The following IGSF11 variants were observed in gnomAD, a reference collection of about 807,000 sequenced individuals.
IGSF11 encodes the protein immunoglobulin superfamily member 11, also known as CXADR like 1.
Under a neutral mutation model 41.0 loss-of-function variants are expected in IGSF11, and 22 were observed. The ratio of observed to expected loss-of-function variants is 0.54; its 90% CI spans 0.38 to 0.77. The LOEUF (loss-of-function observed/expected upper bound fraction) is 0.77. Among genes scored for constraint, IGSF11 ranks in the 30% least tolerant of loss-of-function variants. The pLI, the probability that IGSF11 is intolerant of heterozygous loss-of-function variation, is 0.00. For synonymous variants in IGSF11, 219 were observed against 201.3 expected (o/e 1.09, Z -0.74); for missense variants, 444 against 530.8 (o/e 0.84, Z 1.61).
At position 119,034,814 on chromosome 3, in the gene IGSF11, G is replaced by T; in HGVS notation, c.-232C>A. The T allele has an allele frequency of 8.0e-7, 1 of 1,255,874 alleles. No homozygotes were observed. The highest frequency in any genetic ancestry group is 3.0e-5 in the South Asian group (1 of 33,468). The allele number at this position is 1,255,874 out of a possible 1,614,324, so 77.8% of individuals were successfully genotyped here. On this transcript the variant is annotated 5_prime_UTR_variant, in exon 1 of 7. Transcript: ENST00000393775. ...CTGTGACCAGAGGCGTTCCGGGCTC[G>T]CCAGCCGTGCCACCCAGCCCTGCCC...
intron 1 of IGSF11, among the ~76,000 whole-genome samples, chr3:119,125,292 G>C (rs2077388867): frequency 6.6e-6 from 1 of 152,194 alleles, no homozygotes; most frequent in African/African-American, 2.4e-5. Flanking sequence ...GTTCGTATAA[G>C]AGACGAACTG....
At chr3:118,915,322 C>T (rs1940957928) in intron 4 of IGSF11, among the ~76,000 whole-genome samples, 2 of 116,794 alleles carry the variant, frequency 1.7e-5, no homozygotes, top group Non-Finnish European at 3.3e-5. Context: ...TACGGGAGGA[C>T]ATTCAAACCA....
At chr3:119,107,105 T>C (rs925633321), upstream of IGSF11, among the ~76,000 whole-genome samples, 2 of 152,224 alleles carry the variant, frequency 1.3e-5, no homozygotes, top group African/African-American at 4.8e-5. Flanking sequence ...ATATACTCAG[T>C]AATGGGATGG....
At chr3:119,108,069 G>A (rs1246070485), upstream of IGSF11, among the ~76,000 whole-genome samples, 18 of 151,258 alleles carry the variant, frequency 1.2e-4, no homozygotes, top group Admixed American at 3.3e-4. Flanking sequence ...TTGGCAATGC[G>A]GGCTCTTTTT....
rs537151326 is a variant in IGSF11, at chr3:119,004,814, T to C, written c.52+29717A>G. Among the ~76,000 whole-genome samples, 17 of 152,078 alleles carry C rather than the reference T, an allele frequency of 1.1e-4. No homozygotes were observed. In the East Asian group the frequency reaches 3.3e-3, roughly 29 times the overall value. On this transcript the variant is annotated intron_variant, in intron 1 of 6. Transcript: ENST00000393775. The stretch of plus-strand genomic sequence containing the variant: ...ATCCTGAGTTCTAGTTTGATTGCAC[T>C]GTGGTCTGAGAGATAGTTTGTTATA...
chr3:119,005,190 T>C lies in IGSF11; in HGVS notation c.52+29341A>G, dbSNP rs1297699036. Among the ~76,000 whole-genome samples the C allele has an allele frequency of 3.4e-5, 5 of 146,086 alleles. No individual in the cohort carries two copies. The East Asian group carries it at 7.9e-4, about 23-fold the overall frequency. ...TGTTTAGGATAGTTAGCTCCTCTTG[T>C]TGAATTGATCCCTTTACCATTATGT... On this transcript the variant is annotated intron_variant, in intron 1 of 6. Transcript: ENST00000393775.
At chr3:118,934,315 C>G (rs905143902) in intron 1 of IGSF11, among the ~76,000 whole-genome samples, 4 of 152,258 alleles carry the variant, frequency 2.6e-5, no homozygotes, top group Admixed American at 6.5e-5. Context: ...TGACCCTTCC[C>G]TCTTCCTTAA....
At chr3:119,108,209 C>T (rs950098461), upstream of IGSF11, among the ~76,000 whole-genome samples, 1 of 151,662 alleles carries the variant, frequency 6.6e-6, no homozygotes, top group Middle Eastern at 3.4e-3. Context: ...ATTGATTCTT[C>T]CTACCCATGA....
chr3:119,096,875 ACTT>A (rs1339943950), intron 1 of IGSF11, among the ~76,000 whole-genome samples: 7 of 152,194 alleles, frequency 4.6e-5, no homozygotes, highest in African/African-American at 1.7e-4. Context: ...ACTGAGCTCT[ACTT>A]CTTGTAATGC....
At chr3:119,131,404 C>T (rs4643702) in intron 1 of IGSF11, among the ~76,000 whole-genome samples, 69,977 of 151,798 alleles carry the variant, frequency 0.46, 16,190 homozygotes, top group African/African-American at 0.48. Flanking sequence ...CTTCATGATG[C>T]GTACACAAGC....
intron 6 of IGSF11, 82 bp from the exon 7 acceptor site, chr3:118,903,043 G>C: frequency 1.5e-6 from 2 of 1,351,052 alleles, no homozygotes; most frequent in Non-Finnish European, 1.0e-6. Flanking sequence ...TTCTTTTCAT[G>C]TCAGGGCTTA....
At chr3:119,093,304 C>T (rs989992984) in intron 1 of IGSF11, among the ~76,000 whole-genome samples, 2 of 152,154 alleles carry the variant, frequency 1.3e-5, no homozygotes, top group African/African-American at 2.4e-5. Context: ...TACACTGCAT[C>T]AGCTTCATAT....
chr3:119,106,427 C>T (rs972555060), upstream of IGSF11, among the ~76,000 whole-genome samples: 2 of 152,120 alleles, frequency 1.3e-5, no homozygotes, highest in Non-Finnish European at 2.9e-5. Context: ...CAATTGTTTT[C>T]GTTTCTAGCT....
chr3:119,134,177 C>CCACTCTCAT (rs1470014498), intron 1 of IGSF11, among the ~76,000 whole-genome samples: 1 of 152,138 alleles, frequency 6.6e-6, no homozygotes, highest in Non-Finnish European at 1.5e-5. Flanking sequence ...CCCTCTCTCA[C>CCACTCTCAT]CACTCCTTTT....
At chr3:118,940,676 T>C (rs1046823118) in intron 1 of IGSF11, among the ~76,000 whole-genome samples, 4 of 152,032 alleles carry the variant, frequency 2.6e-5, no homozygotes, top group African/African-American at 9.7e-5. Flanking sequence ...AAATTGCTCC[T>C]GAAATGTATG....
intron 1 of IGSF11, among the ~76,000 whole-genome samples, chr3:119,103,840 T>C (rs905542089): frequency 6.6e-6 from 1 of 152,180 alleles, no homozygotes; most frequent in East Asian, 1.9e-4. Context: ...AAATAAGGAA[T>C]TGTTGGGTAT....
At chr3:119,001,445 T>C (rs914366024) in intron 1 of IGSF11, among the ~76,000 whole-genome samples, 9 of 147,940 alleles carry the variant, frequency 6.1e-5, no homozygotes, top group South Asian at 2.1e-4. Context: ...TTAGTTTTTG[T>C]TTTTTTCTGG....
chr3:119,058,547 A>T (rs1402281843), intron 1 of IGSF11, among the ~76,000 whole-genome samples: 3 of 152,346 alleles, frequency 2.0e-5, no homozygotes, highest in Admixed American at 1.3e-4. Context: ...TAGTTCAACC[A>T]TTGTGGAAGT....
At chr3:119,132,838 T>C (rs6782200) in intron 1 of IGSF11, among the ~76,000 whole-genome samples, 10,898 of 152,040 alleles carry the variant, frequency 0.072, 519 homozygotes, top group Admixed American at 0.16. Context: ...TCAGCAAATG[T>C]AAAAAAATGG....
Sources: gnomAD v4.1 joint callset for allele counts (sites outside exome capture counted in the v4.1 genomes callset) on GRCh38, gnomAD v4.1.1 for gene constraint, MANE v1.5 for transcripts, NCBI Gene and HGNC (gene_info 2026-07-23, HGNC 2026-07-21) for gene names.